The following PAX8 variants were observed in gnomAD, a reference collection of about 807,000 sequenced individuals.
PAX8 encodes the protein paired box protein Pax-8.
Under a neutral mutation model 52.4 loss-of-function variants are expected in PAX8, and 15 were observed. The observed-to-expected ratio is 0.29, with a 90% CI of 0.19 to 0.44. The LOEUF (loss-of-function observed/expected upper bound fraction) is 0.44, where lower values mean the gene tolerates loss of function less well. PAX8 is among the 20% of genes least tolerant of loss of function. PAX8 has a pLI of 1.00. For synonymous variants in PAX8, 284 were observed against 249.7 expected (o/e 1.14, Z -1.29); for missense variants, 554 against 602.5 (o/e 0.92, Z 0.84).
In PAX8 at chr2:113,278,841, G is replaced by C. The variant is rs1694010384; in HGVS notation, c.-86C>G. 9.3e-7 allele frequency: 1 copy of C among 1,069,756 alleles called. No individual in the cohort carries two copies. Among genetic ancestry groups the C allele is most frequent in the Admixed American group, 5.0e-5 (1 of 19,842 alleles). The allele number at this position is 1,069,756 out of a possible 1,614,324, so 66.3% of individuals were successfully genotyped here. ...CCCTGGGTGACATACCTGGCCGGCC[G>C]GCTGCAGGCCCTCACTGCTTGGGTC... On this transcript the variant is annotated 5_prime_UTR_variant, in exon 1 of 12. Coordinates refer to ENST00000429538, the MANE Select transcript of PAX8 (RefSeq NM_003466.4).
chr2:113,246,055 A>G (rs565534804), intron 3 of PAX8, among the ~76,000 whole-genome samples: 2 of 152,356 alleles, frequency 1.3e-5, no homozygotes, highest in Non-Finnish European at 2.9e-5. Context: ...TCAGCTCAGA[A>G]GCAGGCCTTT....
chr2:113,236,767 C>T (rs1558704183), intron 7 of PAX8, 46 bp from the exon 8 acceptor site: 6 of 1,540,060 alleles, frequency 3.9e-6, no homozygotes, highest in South Asian at 3.6e-5. Context: ...TCCAACAAGC[C>T]GACCTTCCTG....
intron 2 of PAX8, chr2:113,276,443 G>A (rs1239114112): frequency 6.6e-6 from 1 of 152,154 alleles, no homozygotes; most frequent in African/African-American, 2.4e-5. Context: ...AAAGAAGAAA[G>A]GGGAAAAAAA....
chr2:113,235,952 C>T, intron 8 of PAX8: 1 of 246,588 alleles, frequency 4.1e-6, no homozygotes, highest in Non-Finnish European at 7.7e-6. Context: ...CCTTGAGGCC[C>T]GGCCTAGGAC....
chr2:113,245,465 C>A (rs567314880), intron 3 of PAX8, among the ~76,000 whole-genome samples: 1 of 152,152 alleles, frequency 6.6e-6, no homozygotes, highest in Non-Finnish European at 1.5e-5. Context: ...ATATCCCTCA[C>A]CCCCCTGGTC....
chr2:113,276,120 G>C (rs947690930), intron 2 of PAX8: 13 of 152,276 alleles, frequency 8.5e-5, no homozygotes, highest in African/African-American at 3.1e-4. Flanking sequence ...GGAAAAGGGG[G>C]AACCTGCTAA....
At chr2:113,254,781 C>G (rs1340998681) in intron 2 of PAX8, among the ~76,000 whole-genome samples, 4 of 152,206 alleles carry the variant, frequency 2.6e-5, no homozygotes, top group Admixed American at 2.6e-4. Context: ...TTCGCTGCAT[C>G]TGAATCCTCT....
chr2:113,258,851 T>C (rs1692456459), intron 2 of PAX8, among the ~76,000 whole-genome samples: 1 of 152,182 alleles, frequency 6.6e-6, no homozygotes. Flanking sequence ...AGATTAACCC[T>C]GTCACCTCCC....
chr2:113,232,125 G>A (rs1689935790), intron 9 of PAX8, among the ~76,000 whole-genome samples: 1 of 152,062 alleles, frequency 6.6e-6, no homozygotes, highest in Admixed American at 6.5e-5. Flanking sequence ...ACCGCCCCCC[G>A]TCATGTCCTC....
intron 2 of PAX8, among the ~76,000 whole-genome samples, chr2:113,264,741 A>G (rs1692935377): frequency 6.6e-6 from 1 of 152,204 alleles, no homozygotes; most frequent in Admixed American, 6.5e-5. Context: ...GAAGTCAGAC[A>G]GGATGGTCAC....
intron 2 of PAX8, chr2:113,276,420 T>G (rs568055516): frequency 5.9e-5 from 9 of 152,220 alleles, no homozygotes; most frequent in Non-Finnish European, 1.2e-4. Context: ...AAGAAGCCCC[T>G]CTGTCTTCCC....
intron 3 of PAX8, among the ~76,000 whole-genome samples, chr2:113,246,146 C>T (rs370397791): frequency 1.3e-5 from 2 of 152,188 alleles, no homozygotes; most frequent in East Asian, 1.9e-4. Flanking sequence ...TTGCTGGGGG[C>T]GGATGGGCTG....
chr2:113,241,609 A>C lies in PAX8; in HGVS notation c.719T>G (p.Phe240Cys). The change falls in exon 7 of 12, where the codon TTT becomes TGT. Residue 240 changes from phenylalanine (F) to cysteine (C), a missense_variant. Coordinates refer to ENST00000429538, the MANE Select transcript of PAX8 (RefSeq NM_003466.4). ...QHHLEPLECP[F>C]ERQHYPEAYA... ...GGCCTCTGGGTAGTGCTGCCGCTCA[A>C]ATGGGCACTCGAGCGGCTCGAGGTG... The C allele has an allele frequency of 6.2e-7, 1 of 1,613,722 alleles. No individual in the cohort carries two copies.
At chr2:113,251,317 T>C (rs750597895) in intron 2 of PAX8, among the ~76,000 whole-genome samples, 4 of 151,740 alleles carry the variant, frequency 2.6e-5, no homozygotes, top group Non-Finnish European at 5.9e-5. Context: ...GCAGGTGGGG[T>C]GGGCTTTGAG....
At chr2:113,259,641 C>T in intron 2 of PAX8, 1 of 152,586 alleles carries the variant, frequency 6.6e-6, no homozygotes, top group East Asian at 1.9e-4. Flanking sequence ...TTTTAAAAAT[C>T]TCCTCTGTTG....
chr2:113,272,320 T>C (rs1693515374), intron 2 of PAX8: 1 of 152,190 alleles, frequency 6.6e-6, no homozygotes, highest in Admixed American at 6.5e-5. Flanking sequence ...CCTATGAATA[T>C]TTTTCTGGCC....
rs575054665 is a variant in PAX8, at chr2:113,242,030, G to A, written c.579C>T (p.Ser193=). The A allele has an allele frequency of 1.2e-5, 19 of 1,613,472 alleles. No homozygotes were observed. Among genetic ancestry groups the A allele is most frequent in the African/African-American group, 2.7e-5 (2 of 74,876 alleles). Residue 193 remains serine (S), a synonymous_variant, in exon 6 of 12, where the codon AGC becomes AGT. Coordinates refer to ENST00000429538, the MANE Select transcript of PAX8 (RefSeq NM_003466.4). ...NGLLGIAQPG[S]DKRKMDDSDQ... Reference sequence around the variant, plus strand: ...CACTGTCATCCATTTTCCTCTTGTCGCTGCCAGGCTGAGCGATGCCCAGGA... The same window carrying A: ...CACTGTCATCCATTTTCCTCTTGTCACTGCCAGGCTGAGCGATGCCCAGGA...
At chr2:113,244,754 G>T (rs538529378) in intron 3 of PAX8, 130 bp from the exon 4 acceptor site, 4 of 858,164 alleles carry the variant, frequency 4.7e-6, no homozygotes, top group East Asian at 4.9e-5. Flanking sequence ...TGCCTCCAAG[G>T]CTGGTCTCAA....
At chr2:113,236,486 C>A in intron 8 of PAX8, 115 bp downstream of exon 8, 1 of 1,282,878 alleles carries the variant, frequency 7.8e-7, no homozygotes, top group South Asian at 1.5e-5. Flanking sequence ...GGCGGCCCGG[C>A]CGGCACAGCC....
Sources: allele counts gnomAD v4.1 joint callset (sites outside exome capture counted in the v4.1 genomes callset), GRCh38; gene constraint gnomAD v4.1.1; transcripts MANE v1.5; gene names NCBI Gene and HGNC (gene_info 2026-07-23, HGNC 2026-07-21).